ARID3B: variants seen among roughly 807,000 people sequenced by gnomAD.
The protein encoded by ARID3B is AT-rich interaction domain 3B.
A neutral mutation model predicts 51.9 loss-of-function variants in ARID3B; 10 were observed. The ratio of observed to expected loss-of-function variants is 0.19; its 90% confidence interval spans 0.12 to 0.33. The LOEUF is 0.33. Among genes scored for constraint, ARID3B ranks in the 10% least tolerant of loss-of-function variants. The pLI, the probability that ARID3B is intolerant of heterozygous loss-of-function variation, is 1.00. For synonymous variants in ARID3B, 205 were observed against 279.5 expected, an observed-to-expected ratio of 0.73 and a Z score of 2.66; for missense variants, 483 against 716.3, an observed-to-expected ratio of 0.67 and a Z score of 3.72.
At chr15:74,585,685 C>T (rs2061778222) in intron 4 of ARID3B, among the ~76,000 whole-genome samples, 1 of 152,232 alleles carries the variant, frequency 6.6e-6, no homozygotes, top group Non-Finnish European at 1.5e-5. Flanking sequence ...AAACTGAGGC[C>T]TGAGTCTGTC....
At chr15:74,549,076 T>C (rs2061626052) in intron 2 of ARID3B, among the ~76,000 whole-genome samples, 1 of 151,010 alleles carries the variant, frequency 6.6e-6, no homozygotes. Flanking sequence ...CTTTTCTTTC[T>C]TTTTTTTTCT....
chr15:74,588,319 T>C (rs973350138), intron 4 of ARID3B, among the ~76,000 whole-genome samples: 2 of 151,840 alleles, frequency 1.3e-5, no homozygotes, highest in African/African-American at 4.8e-5. Flanking sequence ...TCCTTTTCAT[T>C]CTCTGGCTTG....
chr15:74,576,225 T>A (rs1320795813), intron 4 of ARID3B, among the ~76,000 whole-genome samples: 1 of 152,106 alleles, frequency 6.6e-6, no homozygotes, highest in Non-Finnish European at 1.5e-5. Context: ...ATCCATGGCC[T>A]CTATCCACTA....
intron 2 of ARID3B, among the ~76,000 whole-genome samples, chr15:74,548,913 A>G (rs2061625506): frequency 6.6e-6 from 1 of 152,090 alleles, no homozygotes; most frequent in Admixed American, 6.6e-5. Context: ...ATTCTTAACC[A>G]TGAGCAAAAT....
chr15:74,559,018 T>C (rs1264043308), intron 2 of ARID3B, among the ~76,000 whole-genome samples: 1 of 152,226 alleles, frequency 6.6e-6, no homozygotes, highest in Non-Finnish European at 1.5e-5. Flanking sequence ...GCAGTGTTTT[T>C]AGGCCCAGTT....
intron 2 of ARID3B, among the ~76,000 whole-genome samples, chr15:74,570,959 A>G (rs573739914): frequency 4.5e-4 from 68 of 152,292 alleles, no homozygotes; most frequent in Middle Eastern, 3.4e-3. Context: ...AAGGGATCCA[A>G]CAATGTCTGC....
intron 4 of ARID3B, among the ~76,000 whole-genome samples, chr15:74,577,758 C>T (rs1395359315): frequency 6.6e-6 from 1 of 152,074 alleles, no homozygotes; most frequent in East Asian, 1.9e-4. Context: ...GTAGCAAATT[C>T]CTGGGCTCAA....
intron 2 of ARID3B, among the ~76,000 whole-genome samples, chr15:74,565,340 C>G (rs1348004061): frequency 6.6e-6 from 1 of 152,220 alleles, no homozygotes; most frequent in Non-Finnish European, 1.5e-5. Flanking sequence ...GTGTGAGCCA[C>G]CGCACCCTGT....
chr15:74,598,107 A>C lies in ARID3B; in HGVS notation c.*2333A>C. 1 of 490,872 alleles carries C rather than the reference A, an allele frequency of 2.0e-6. No individual in the cohort carries two copies. The highest frequency in any genetic ancestry group is 2.3e-5 in the Admixed American group (1 of 42,704). 30.4% of individuals were successfully genotyped at this position (490,872 alleles called of 1,614,324 possible). A position where few individuals can be genotyped will look rare whatever the true frequency, so the allele number is the denominator to read the frequency against. On this transcript the variant is annotated 3_prime_UTR_variant, in exon 9 of 9. Transcript: ENST00000346246. ...ACATGTTCTCGAATGTTTATATTTC[A>C]ATAAACCTCTACCTCTTCACACAAG... is the stretch of plus-strand genomic sequence containing the variant.
chr15:74,556,088 G>A lies in ARID3B; in HGVS notation c.552+11600G>A, dbSNP rs973068651. Among the ~76,000 whole-genome samples, 14 of 152,032 alleles carry A rather than the reference G, an allele frequency of 9.2e-5. 1 individual carries two copies. Among genetic ancestry groups the A allele is most frequent in the South Asian group, 4.1e-4 (2 of 4,824 alleles). On this transcript the variant is annotated intron_variant, in intron 2 of 8. Coordinates refer to ENST00000346246, the MANE Select transcript of ARID3B (RefSeq NM_006465.4). ...ATTACAGGCTTGAGCCACCGAGCCC[G>A]GCTATCTGGGCTTTCAACATGCCTT...
At position 74,578,837 on chromosome 15, in the gene ARID3B, T is replaced by G. The variant is rs1266824420; in HGVS notation, c.697+5633T>G. ...TGAGCTTGGAAGGTCAAGGCTACAG[T>G]GAGCTGAGTTCATGCCATTGCACTA... On this transcript the variant is annotated intron_variant, in intron 4 of 8. Coordinates refer to ENST00000346246, the MANE Select transcript of ARID3B (RefSeq NM_006465.4). Among the ~76,000 whole-genome samples, 5 of 151,920 alleles carry G rather than the reference T, an allele frequency of 3.3e-5. 1 individual carries two copies. The South Asian group carries it at 8.3e-4, about 25-fold the overall frequency.
chr15:74,574,800 C>G (rs555698217), intron 4 of ARID3B: 1 of 151,948 alleles, frequency 6.6e-6, no homozygotes, highest in Non-Finnish European at 1.5e-5. Context: ...GTCAAGAGGT[C>G]GAGACCATCC....
At chr15:74,547,857 G>C (rs1227124335) in intron 2 of ARID3B, among the ~76,000 whole-genome samples, 1 of 152,368 alleles carries the variant, frequency 6.6e-6, no homozygotes, top group East Asian at 1.9e-4. Flanking sequence ...TTTGGGGTAA[G>C]GGAGGACAGG....
chr15:74,577,685 C>A (rs2061742938), intron 4 of ARID3B, among the ~76,000 whole-genome samples: 1 of 151,964 alleles, frequency 6.6e-6, no homozygotes, highest in South Asian at 2.1e-4. Context: ...CCACACTCAG[C>A]TAATTTTTCT....
intron 2 of ARID3B, among the ~76,000 whole-genome samples, chr15:74,554,329 G>A (rs1322687250): frequency 6.7e-6 from 1 of 149,416 alleles, no homozygotes; most frequent in Non-Finnish European, 1.5e-5. Context: ...TTGAGATGGA[G>A]CCTCTCTCTG....
At chr15:74,587,509 A>G (rs1413155098) in intron 4 of ARID3B, among the ~76,000 whole-genome samples, 1 of 152,226 alleles carries the variant, frequency 6.6e-6, no homozygotes, top group Admixed American at 6.5e-5. Flanking sequence ...AGCCCAGCAC[A>G]AACATTCTGA....
chr15:74,561,145 A>T (rs1312225954), intron 2 of ARID3B, among the ~76,000 whole-genome samples: 3 of 152,176 alleles, frequency 2.0e-5, no homozygotes, highest in Non-Finnish European at 2.9e-5. Context: ...TAAAATTTTG[A>T]TATAGCTAAA....
chr15:74,564,558 A>G (rs2061690999), intron 2 of ARID3B, among the ~76,000 whole-genome samples: 1 of 152,194 alleles, frequency 6.6e-6, no homozygotes, highest in South Asian at 2.1e-4. Context: ...GTTAGTTGCC[A>G]TCCATGAGCT....
In ARID3B at chr15:74,596,680, C is replaced by G. The variant is rs1312944729; in HGVS notation, c.*906C>G. The G allele has an allele frequency of 4.3e-6, 1 of 233,638 alleles. No homozygotes were observed. Among genetic ancestry groups the G allele is most frequent in the African/African-American group, 2.2e-5 (1 of 45,362 alleles). The allele number at this position is 233,638 out of a possible 1,614,324, so 14.5% of individuals were successfully genotyped here. A position where few individuals can be genotyped will look rare whatever the true frequency, so the allele number is the denominator to read the frequency against. ...GGCCATCTTGGCCTCACCATCCCCA[C>G]ACGTGCCGATGTCAGGTTCATTGAA... On this transcript the variant is annotated 3_prime_UTR_variant, in exon 9 of 9. Coordinates refer to ENST00000346246, the MANE Select transcript of ARID3B (RefSeq NM_006465.4).
Sources: gnomAD v4.1 joint callset for allele counts (sites outside exome capture counted in the v4.1 genomes callset) on GRCh38, gnomAD v4.1.1 for gene constraint, MANE v1.5 for transcripts, NCBI Gene and HGNC (gene_info 2026-07-23, HGNC 2026-07-21) for gene names.